The following COL4A4 variants were observed in gnomAD, a reference collection of about 807,000 sequenced individuals.
COL4A4 encodes collagen type IV alpha 4 chain, also known as collagen alpha-4(IV) chain.
A neutral mutation model predicts 192.9 loss-of-function variants in COL4A4; 105 were observed. The observed-to-expected ratio is 0.54, with a 90% CI of 0.46 to 0.64. The LOEUF is 0.64. Ranked by LOEUF, COL4A4 falls within the 30% of genes least tolerant of loss-of-function variation. The pLI, the probability that COL4A4 is intolerant of heterozygous loss-of-function variation, is 0.00. For synonymous variants in COL4A4, 762 were observed against 769.9 expected (o/e 0.99, Z 0.17); for missense variants, 1,967 against 2,169.3 (o/e 0.91, Z 1.85).
At chr2:227,107,756 CTT>C (rs71036157) in intron 12 of COL4A4, among the ~76,000 whole-genome samples, 57,215 of 108,740 alleles carry the variant, frequency 0.53, 13,606 homozygotes, top group Middle Eastern at 0.6. Flanking sequence ...AATCACTTTT[CTT>C]TTTTTTTTTT....
chr2:227,146,436 T>G (rs1206365539), intron 2 of COL4A4, among the ~76,000 whole-genome samples: 1 of 152,182 alleles, frequency 6.6e-6, no homozygotes, highest in Non-Finnish European at 1.5e-5. Flanking sequence ...TCCTCAGAAC[T>G]TTTTGTATTT....
rs768972406 is a variant in COL4A4 at position 227,055,967 on chromosome 2, T to A, written c.2694A>T (p.Leu898=). 2 of 1,613,986 alleles carry A rather than the reference T, an allele frequency of 1.2e-6. No homozygotes were observed. The highest frequency in any genetic ancestry group is 1.7e-6 in the Non-Finnish European group (2 of 1,179,960). Residue 898 remains leucine (L), a synonymous_variant, in exon 30 of 48, where the codon CTA becomes CTT. Coordinates refer to ENST00000396625, the MANE Select transcript of COL4A4 (RefSeq NM_000092.5). Reference sequence around the variant, plus strand: ...TACCCTTTGGACCTGGAGGACCAGGTAGCCCATCATCTCCAAAGGGACCTG... The same window carrying A: ...TACCCTTTGGACCTGGAGGACCAGGAAGCCCATCATCTCCAAAGGGACCTG... ...GIPGPFGDDG[L]PGPPGPKGPR...
At chr2:227,073,678 G>C (rs577594532) in intron 25 of COL4A4, among the ~76,000 whole-genome samples, 1 of 152,188 alleles carries the variant, frequency 6.6e-6, no homozygotes, top group South Asian at 2.1e-4. Context: ...AAACAGCATG[G>C]TACTGTTGTA....
At chr2:227,043,229 T>C (rs1334801708) in intron 35 of COL4A4, 45 bp from the exon 36 acceptor site, 5 of 1,501,218 alleles carry the variant, frequency 3.3e-6, no homozygotes, top group South Asian at 1.1e-5. Flanking sequence ...TTTGAGACAG[T>C]GAATCTTTAA....
chr2:227,118,930 C>T (rs1365320421), intron 6 of COL4A4, among the ~76,000 whole-genome samples, 169 bp from the exon 7 acceptor site: 2 of 152,098 alleles, frequency 1.3e-5, no homozygotes, highest in Non-Finnish European at 2.9e-5. Context: ...AAAAATAAAA[C>T]CTAAATTTTT....
intron 5 of COL4A4, 155 bp downstream of exon 5, chr2:227,120,859 A>C (rs774960660): frequency 2.2e-6 from 2 of 907,402 alleles, no homozygotes. Flanking sequence ...GGCTCGCTTG[A>C]ACCTGGGAGG....
At chr2:227,084,465 T>C (rs901517461) in intron 22 of COL4A4, among the ~76,000 whole-genome samples, 6 of 152,196 alleles carry the variant, frequency 3.9e-5, no homozygotes, top group African/African-American at 1.4e-4. Context: ...TAATGCTCTG[T>C]AGGTGTCGAA....
At chr2:227,015,630 C>T (rs987166777) in intron 44 of COL4A4, among the ~76,000 whole-genome samples, 10 of 152,318 alleles carry the variant, frequency 6.6e-5, no homozygotes, top group Middle Eastern at 3.4e-3. Flanking sequence ...TTCTGCTAGC[C>T]TGTGGCTCCA....
intron 45 of COL4A4, among the ~76,000 whole-genome samples, chr2:227,011,002 G>A (rs1963568855): frequency 6.6e-6 from 1 of 152,134 alleles, no homozygotes; most frequent in African/African-American, 2.4e-5. Flanking sequence ...TTCTGAGAAA[G>A]CCAAAGGCTT....
intron 29 of COL4A4, among the ~76,000 whole-genome samples, chr2:227,057,102 G>A (rs746623771): frequency 2.6e-5 from 4 of 152,136 alleles, no homozygotes; most frequent in South Asian, 2.1e-4. Flanking sequence ...GCTTGTGTTT[G>A]CAGCAAGCAC....
chr2:227,025,261 A>T (rs1046831991), intron 43 of COL4A4, among the ~76,000 whole-genome samples: 6 of 152,212 alleles, frequency 3.9e-5, no homozygotes, highest in African/African-American at 9.6e-5. Context: ...TTTCTTTGAA[A>T]ATGCCAGGCA....
intron 22 of COL4A4, among the ~76,000 whole-genome samples, chr2:227,083,689 AG>A (rs1576387780): frequency 6.6e-6 from 1 of 152,286 alleles, no homozygotes; most frequent in East Asian, 1.9e-4. Context: ...CCTAGCCTTA[AG>A]GGATCCTGCT....
At chr2:226,975,790 G>A in the COL4A4 span, among the ~76,000 whole-genome samples, 1 of 152,192 alleles carries the variant, frequency 6.6e-6, no homozygotes, top group East Asian at 1.9e-4. Context: ...AGGAACTACA[G>A]ATTATTTAGA....
At chr2:226,985,356 G>T in the COL4A4 span, among the ~76,000 whole-genome samples, 6 of 152,178 alleles carry the variant, frequency 3.9e-5, no homozygotes, top group East Asian at 1.9e-4. Flanking sequence ...TGGGTTTCGG[G>T]CCATCTAGAC....
the COL4A4 span, among the ~76,000 whole-genome samples, chr2:226,972,381 G>A: frequency 2.0e-5 from 3 of 152,306 alleles, no homozygotes; most frequent in Non-Finnish European, 4.4e-5. Flanking sequence ...CTAAATGAGA[G>A]GAGGGAAGAG....
chr2:227,001,828 C>CTA (rs1442295343), downstream of COL4A4, among the ~76,000 whole-genome samples: 5 of 152,216 alleles, frequency 3.3e-5, no homozygotes, highest in Middle Eastern at 3.4e-3. Flanking sequence ...CCTTATTTCT[C>CTA]TATCAGGTAA....
intron 1 of COL4A4, among the ~76,000 whole-genome samples, chr2:227,152,191 C>G (rs1015620242): frequency 1.6e-4 from 24 of 152,270 alleles, no homozygotes; most frequent in African/African-American, 5.8e-4. Context: ...TGGGACAAAG[C>G]AGGGTGGTAA....
At chr2:227,096,630 G>T (rs2060217496) in intron 19 of COL4A4, among the ~76,000 whole-genome samples, 1 of 152,222 alleles carries the variant, frequency 6.6e-6, no homozygotes, top group East Asian at 1.9e-4. Context: ...GCAGTCTAAA[G>T]GCTGTATACA....
At position 227,015,047 on chromosome 2, in the gene COL4A4, C is replaced by T. The variant is rs572611308; in HGVS notation, c.4217-2750G>A. Among the ~76,000 whole-genome samples the T allele has an allele frequency of 1.8e-4, 28 of 152,018 alleles. 1 individual carries two copies. Among genetic ancestry groups the T allele is most frequent in the Middle Eastern group, 6.8e-3 (2 of 294 alleles). On this transcript the variant is annotated intron_variant, in intron 44 of 47. Coordinates refer to ENST00000396625, the MANE Select transcript of COL4A4 (RefSeq NM_000092.5). ...CTGAGTAGCTGGGACTACAGGTGCACGCCACCAAGCCCAGCTAATTTTTTT... is the reference window on the plus strand; with the variant it reads ...CTGAGTAGCTGGGACTACAGGTGCATGCCACCAAGCCCAGCTAATTTTTTT...
Sources: gnomAD v4.1 joint callset for allele counts (sites outside exome capture counted in the v4.1 genomes callset) on GRCh38, gnomAD v4.1.1 for gene constraint, MANE v1.5 for transcripts, NCBI Gene and HGNC (gene_info 2026-07-23, HGNC 2026-07-21) for gene names.